The following LIN7A variants were observed in gnomAD, a reference collection of about 807,000 sequenced individuals.
LIN7A encodes lin-7 cell polarity scaffold A, also known as protein lin-7 homolog A.
LIN7A carries 25 observed loss-of-function variants against 29.8 expected under a neutral mutation model. The ratio of observed to expected loss-of-function variants is 0.84; its 90% CI spans 0.61 to 1.17. The LOEUF is 1.17. Among genes scored for constraint, LIN7A ranks in the 50% most tolerant of loss-of-function variants. The pLI, the probability that LIN7A is intolerant of heterozygous loss-of-function variation, is 0.00. For synonymous variants in LIN7A, 118 were observed against 107.5 expected (o/e 1.10, Z -0.60); for missense variants, 239 against 287.0 (o/e 0.83, Z 1.21).
intron 1 of LIN7A, among the ~76,000 whole-genome samples, chr12:80,901,240 C>T (rs1355922655): frequency 6.6e-6 from 1 of 152,102 alleles, no homozygotes; most frequent in East Asian, 1.9e-4. Context: ...CCACACTATT[C>T]CTTATTTACA....
intron 5 of LIN7A, among the ~76,000 whole-genome samples, chr12:80,798,281 C>T (rs1279897951): frequency 6.6e-6 from 1 of 152,240 alleles, no homozygotes; most frequent in Non-Finnish European, 1.5e-5. Flanking sequence ...ATACCTGCCA[C>T]TCTTCCACTA....
intron 1 of LIN7A, among the ~76,000 whole-genome samples, chr12:80,889,702 C>T (rs980493767): frequency 4.6e-5 from 7 of 152,056 alleles, no homozygotes; most frequent in African/African-American, 1.7e-4. Context: ...ATCAATTTTG[C>T]CTCTGAGGTG....
intron 1 of LIN7A, among the ~76,000 whole-genome samples, chr12:80,905,191 T>A (rs1441214649): frequency 8.5e-4 from 4 of 4,688 alleles, no homozygotes; most frequent in African/African-American, 9.1e-4. Context: ...TTTCCAAGGA[T>A]TTTTTTTTTT....
intron 2 of LIN7A, among the ~76,000 whole-genome samples, chr12:80,883,603 A>G (rs902846810): frequency 6.6e-6 from 1 of 152,028 alleles, no homozygotes; most frequent in Admixed American, 6.6e-5. Flanking sequence ...GTGGGATCCT[A>G]CTCTTTAATA....
chr12:80,937,568 T>G, intron 1 of LIN7A, 73 bp downstream of exon 1: 1 of 1,129,392 alleles, frequency 8.9e-7, no homozygotes, highest in Non-Finnish European at 1.2e-6. Context: ...CATGTCCCGT[T>G]GGGAATTGGC....
chr12:80,842,050 C>T (rs933047380), intron 4 of LIN7A: 8 of 1,285,398 alleles, frequency 6.2e-6, no homozygotes, highest in Non-Finnish European at 8.1e-6. Context: ...TCTCTTGGTG[C>T]CTAGGGATAG....
intron 2 of LIN7A, among the ~76,000 whole-genome samples, chr12:80,852,576 A>G: frequency 6.6e-6 from 1 of 152,108 alleles, no homozygotes; most frequent in East Asian, 1.9e-4. Context: ...AATAGCTGCT[A>G]TTATTTCTAT....
chr12:80,806,096 C>CA (rs796554380), intron 5 of LIN7A, among the ~76,000 whole-genome samples: 30 of 151,600 alleles, frequency 2.0e-4, no homozygotes, highest in African/African-American at 7.3e-4. Context: ...AAAAAACAAA[C>CA]AAAAAATAGT....
intron 2 of LIN7A, among the ~76,000 whole-genome samples, chr12:80,887,192 A>C (rs566084645): frequency 5.3e-5 from 8 of 152,164 alleles, no homozygotes; most frequent in Admixed American, 4.6e-4. Flanking sequence ...TGCTCTCAAA[A>C]ATATATATCT....
chr12:80,813,656 C>A (rs1871401095), intron 4 of LIN7A, among the ~76,000 whole-genome samples: 1 of 152,142 alleles, frequency 6.6e-6, no homozygotes, highest in African/African-American at 2.4e-5. Context: ...TAAGTAAACA[C>A]AATGCTGCTT....
intron 4 of LIN7A, among the ~76,000 whole-genome samples, chr12:80,834,829 C>A (rs979939577): frequency 2.0e-5 from 3 of 151,916 alleles, no homozygotes; most frequent in East Asian, 1.9e-4. Flanking sequence ...TTATATAAAC[C>A]CTTAGACTTA....
chr12:80,820,829 C>G (rs1871768266), intron 4 of LIN7A, among the ~76,000 whole-genome samples: 1 of 152,240 alleles, frequency 6.6e-6, no homozygotes, highest in Non-Finnish European at 1.5e-5. Flanking sequence ...GTGATTCACA[C>G]TGGTTTATCT....
chr12:80,902,581 T>G (rs1440982083), intron 1 of LIN7A, among the ~76,000 whole-genome samples: 1 of 152,088 alleles, frequency 6.6e-6, no homozygotes, highest in Non-Finnish European at 1.5e-5. Context: ...TTTTGCTTCC[T>G]TGGTTAGCTG....
In LIN7A at chr12:80,937,753, G is replaced by A. The variant is rs776740707; in HGVS notation, c.-31C>T. On this transcript the variant is annotated 5_prime_UTR_variant, in exon 1 of 6. Transcript: ENST00000552864. ...ACCGCTCGTAGTGAGAAAAAAAGGA[G>A]GAGATTGGGGGCGGGGGTGGAGAGG... 5 of 1,354,946 alleles carry A rather than the reference G, an allele frequency of 3.7e-6. No homozygotes were observed. In the South Asian group the frequency reaches 6.6e-5, roughly 18 times the overall value. The allele number at this position is 1,354,946 out of a possible 1,614,324, so 83.9% of individuals were successfully genotyped here.
intron 1 of LIN7A, among the ~76,000 whole-genome samples, chr12:80,928,450 G>A (rs1877723221): frequency 6.6e-6 from 1 of 152,162 alleles, no homozygotes; most frequent in Admixed American, 6.5e-5. Flanking sequence ...TTTCTCTGAT[G>A]ACCAGTGATG....
chr12:80,871,219 T>C (rs1403889015), intron 2 of LIN7A, among the ~76,000 whole-genome samples: 1 of 152,142 alleles, frequency 6.6e-6, no homozygotes, highest in Non-Finnish European at 1.5e-5. Flanking sequence ...ATATCTGTGG[T>C]TATTTTGTTT....
chr12:80,798,174 C>T (rs925774630), intron 5 of LIN7A, among the ~76,000 whole-genome samples: 3 of 152,188 alleles, frequency 2.0e-5, no homozygotes, highest in African/African-American at 7.2e-5. Context: ...TTAAATCTGT[C>T]TCTCTTCATA....
chr12:80,826,855 A>C (rs1266321351), intron 4 of LIN7A, among the ~76,000 whole-genome samples: 1 of 152,106 alleles, frequency 6.6e-6, no homozygotes, highest in Non-Finnish European at 1.5e-5. Flanking sequence ...CCTTGCTTAA[A>C]ATCTATTGAT....
chr12:80,883,637 AATT>A (rs767271643), intron 2 of LIN7A, among the ~76,000 whole-genome samples: 43 of 152,300 alleles, frequency 2.8e-4, no homozygotes, highest in Non-Finnish European at 5.3e-4. Context: ...TTGATTGTGT[AATT>A]ATTGGCTACC....
Sources: gnomAD v4.1 joint callset for allele counts (sites outside exome capture counted in the v4.1 genomes callset) on GRCh38, gnomAD v4.1.1 for gene constraint, MANE v1.5 for transcripts, NCBI Gene and HGNC (gene_info 2026-07-23, HGNC 2026-07-21) for gene names.